Variants in DICER1 observed in about 807,000 individuals in gnomAD.
The protein encoded by DICER1 is dicer 1, ribonuclease III, also known as endoribonuclease Dicer.
In DICER1, 43 loss-of-function variants were observed where a neutral mutation model predicts 194.1. The ratio of observed to expected loss-of-function variants is 0.22; its 90% CI spans 0.17 to 0.29. The LOEUF (loss-of-function observed/expected upper bound fraction) is 0.29. Among genes scored for constraint, DICER1 ranks in the 10% least tolerant of loss-of-function variants. The pLI is 1.00. For missense variants in DICER1, 1,608 were observed against 2,317.0 expected (o/e 0.69, Z 6.28); for synonymous variants, 832 against 820.5 (o/e 1.01, Z -0.24).
chr14:95,157,992 A>AACAAACAC (rs1333371755), upstream of DICER1: 1 of 152,200 alleles, frequency 6.6e-6, no homozygotes, highest in Non-Finnish European at 1.5e-5. Context: ...TTGGGGAAAT[A>AACAAACAC]ACAAACACCC....
rs1555372847 is a variant in DICER1 at position 95,116,499 on chromosome 14, A to G, written c.1706T>C (p.Ile569Thr). 1.2e-6 allele frequency: 2 copies of G among 1,613,642 alleles called. No homozygotes were observed. The highest frequency in any genetic ancestry group is 2.2e-5 in the East Asian group (1 of 44,864). The change falls in exon 10 of 27, where the codon ATA becomes ACA. Residue 569 changes from isoleucine to threonine, a missense_variant. Physicochemically the swap from Ile to Thr is moderately conservative, Grantham distance 89. Coordinates refer to ENST00000343455, the MANE Select transcript of DICER1 (RefSeq NM_177438.3). ...TTTAAGGTCTTCTTCAAAACTTTTT[A>G]TTTTGTCTGTATCCGCTAACATTAT... ...NYIMLADTDK[I>T]KSFEEDLKTY...
intron 11 of DICER1, among the ~76,000 whole-genome samples, chr14:95,113,606 T>A: frequency 6.6e-6 from 1 of 152,226 alleles, no homozygotes; most frequent in East Asian, 1.9e-4. Context: ...ATACTGCCAA[T>A]GTTTTTTCCT....
Position 95,121,733 on chromosome 14 carries a change from T to C in DICER1, c.1376+2463A>G, listed in dbSNP as rs566263294. Among the ~76,000 whole-genome samples, 24 of 152,304 alleles carry C rather than the reference T, an allele frequency of 1.6e-4. 1 individual carries two copies. Among genetic ancestry groups the C allele is most frequent in the South Asian group, 1.0e-3 (5 of 4,826 alleles). ...CACTGATGCTTGTTTTCTTCCTCTGTAATATGGAAAGAACATCTACTTTCC... is the reference window on the plus strand; with the variant it reads ...CACTGATGCTTGTTTTCTTCCTCTGCAATATGGAAAGAACATCTACTTTCC... On this transcript the variant is annotated intron_variant, in intron 8 of 26. Coordinates refer to ENST00000343455, the MANE Select transcript of DICER1 (RefSeq NM_177438.3).
At chr14:95,157,128 G>C (rs1233943934) in intron 1 of DICER1, 102 bp downstream of exon 1, 1 of 150,038 alleles carries the variant, frequency 6.7e-6, no homozygotes, top group Non-Finnish European at 1.5e-5. Context: ...CGCGGCTCGG[G>C]GCCATGGCCG....
chr14:95,134,348 T>C (rs912985826), intron 1 of DICER1: 1 of 152,206 alleles, frequency 6.6e-6, no homozygotes, highest in Non-Finnish European at 1.5e-5. Context: ...AACTGAAACT[T>C]TAAAATTCCT....
chr14:95,131,661 C>A (rs1168810253), intron 3 of DICER1, 22 bp from the exon 4 acceptor site: 7 of 1,610,772 alleles, frequency 4.3e-6, no homozygotes, highest in Non-Finnish European at 5.1e-6. Flanking sequence ...TATAATACTC[C>A]ATGTAAATAT....
rs554440765 is a variant in DICER1, at chr14:95,115,564, A to G, written c.1907+103T>C. ...TATCGAAAATATGGCAAGTCTAAGT[A>G]AAGACTGGTAACCGCAAAATGTCAA... On this transcript the variant is annotated intron_variant, in intron 11 of 26. Coordinates refer to ENST00000343455, the MANE Select transcript of DICER1 (RefSeq NM_177438.3). The G allele has an allele frequency of 2.2e-5, 29 of 1,290,964 alleles. No homozygotes were observed. In the African/African-American group the frequency reaches 2.9e-4, roughly 13 times the overall value. 80.0% of individuals were successfully genotyped at this position (1,290,964 alleles called of 1,614,324 possible).
At chr14:95,095,500 G>C (rs549571208) in intron 23 of DICER1, 1 of 360,782 alleles carries the variant, frequency 2.8e-6, no homozygotes, top group Non-Finnish European at 5.3e-6. Flanking sequence ...CACTGAATGG[G>C]CAAGAGAAAG....
chr14:95,157,908 C>T (rs1375480134), upstream of DICER1: 2 of 152,260 alleles, frequency 1.3e-5, no homozygotes, highest in African/African-American at 4.8e-5. Flanking sequence ...CCTCTGAGCA[C>T]CTCCCTCCCC....
chr14:95,115,543 G>A (rs1247381892), intron 11 of DICER1, 124 bp downstream of exon 11: 7 of 1,078,012 alleles, frequency 6.5e-6, no homozygotes, highest in South Asian at 4.0e-5. Flanking sequence ...TTTCTTTATC[G>A]AAAATATGGC....
At chr14:95,091,416 C>T (rs540355845) in intron 24 of DICER1, 51 bp from the exon 25 acceptor site, 1 of 1,536,420 alleles carries the variant, frequency 6.5e-7, no homozygotes, top group East Asian at 2.2e-5. Context: ...CTTTTACAGG[C>T]AGTCCACAGA....
At chr14:95,099,040 G>A (rs1385309658) in intron 22 of DICER1, among the ~76,000 whole-genome samples, 1 of 152,160 alleles carries the variant, frequency 6.6e-6, no homozygotes, top group Admixed American at 6.5e-5. Context: ...AAGTAACAAT[G>A]AGCCAATTTA....
intron 21 of DICER1, among the ~76,000 whole-genome samples, chr14:95,101,721 T>G (rs1890893885): frequency 6.6e-6 from 1 of 152,114 alleles, no homozygotes; most frequent in African/African-American, 2.4e-5. Flanking sequence ...CTCCTGACTC[T>G]CCCAGATGAA....
chr14:95,141,683 C>T (rs1894838199), intron 1 of DICER1: 1 of 152,156 alleles, frequency 6.6e-6, no homozygotes, highest in Non-Finnish European at 1.5e-5. Context: ...ACATATTTAC[C>T]TCAAAATGCT....
chr14:95,156,178 A>G (rs1004522996), intron 1 of DICER1, among the ~76,000 whole-genome samples: 1 of 152,128 alleles, frequency 6.6e-6, no homozygotes, highest in African/African-American at 2.4e-5. Flanking sequence ...GAGTTGCTTA[A>G]ATCCTAACCT....
At chr14:95,140,382 C>T (rs573586473) in intron 1 of DICER1, among the ~76,000 whole-genome samples, 6 of 152,212 alleles carry the variant, frequency 3.9e-5, no homozygotes, top group East Asian at 3.9e-4. Flanking sequence ...TGTGTCACAA[C>T]GGCCTACAGT....
At chr14:95,101,213 G>A (rs949032501) in intron 21 of DICER1, among the ~76,000 whole-genome samples, 12 of 152,186 alleles carry the variant, frequency 7.9e-5, no homozygotes. Context: ...TCTGTCCAAT[G>A]AGCTGCAAGG....
chr14:95,105,575 C>G lies in DICER1; in HGVS notation c.3093+103G>C. The G allele has an allele frequency of 1.1e-6, 1 of 933,418 alleles. No individual in the cohort carries two copies. Among genetic ancestry groups the G allele is most frequent in the African/African-American group, 1.6e-5 (1 of 60,666 alleles). The allele number at this position is 933,418 out of a possible 1,614,324, so 57.8% of individuals were successfully genotyped here. Reference sequence around the variant, plus strand: ...GATTAGGTAACTTCTAAAAAATTAACGAATCATGCATTTAACTTGGTAAGA... The same window carrying G: ...GATTAGGTAACTTCTAAAAAATTAAGGAATCATGCATTTAACTTGGTAAGA... On this transcript the variant is annotated intron_variant, in intron 19 of 26. Coordinates refer to ENST00000343455, the MANE Select transcript of DICER1 (RefSeq NM_177438.3). This position sits in a 1 kb window ranked among gnomAD's most constrained non-coding sequence, Gnocchi z 4.9.
At chr14:95,110,362 A>G (rs1167256032) in intron 14 of DICER1, among the ~76,000 whole-genome samples, 1 of 152,220 alleles carries the variant, frequency 6.6e-6, no homozygotes, top group Non-Finnish European at 1.5e-5. Flanking sequence ...GTGGCAGGGC[A>G]CACGCACATG....
Sources: gnomAD v4.1 joint callset for allele counts (sites outside exome capture counted in the v4.1 genomes callset) on GRCh38, gnomAD v4.1.1 for gene constraint, Gnocchi (gnomAD v3.1) non-coding constraint, MANE v1.5 for transcripts, NCBI Gene and HGNC (gene_info 2026-07-23, HGNC 2026-07-21) for gene names.